PPP3CA: variants seen among roughly 807,000 people sequenced by gnomAD.
The protein encoded by PPP3CA is CAM-PRP catalytic subunit.
PPP3CA carries 14 observed loss-of-function variants against 66.5 expected under a neutral mutation model. The observed-to-expected ratio is 0.21, with a 90% CI of 0.14 to 0.33. The LOEUF is 0.33. PPP3CA is among the 10% of genes least tolerant of loss of function. The pLI, the probability that PPP3CA is intolerant of heterozygous loss-of-function variation, is 1.00. For synonymous variants in PPP3CA, 232 were observed against 226.2 expected (o/e 1.03, Z -0.23); for missense variants, 317 against 639.5 (o/e 0.50, Z 5.44).
chr4:101,266,029 C>G (rs528761315), intron 1 of PPP3CA, among the ~76,000 whole-genome samples: 84 of 152,254 alleles, frequency 5.5e-4, no homozygotes, highest in African/African-American at 2.0e-3. Flanking sequence ...ATAGAACTAC[C>G]TTTACATACA....
chr4:101,346,102 C>T (rs964485881), intron 1 of PPP3CA, among the ~76,000 whole-genome samples: 4 of 151,928 alleles, frequency 2.6e-5, no homozygotes, highest in Non-Finnish European at 5.9e-5. Flanking sequence ...GCGACCGCCC[C>T]CGCCCCCGCC....
chr4:101,038,246 C>A (rs1195153347), intron 11 of PPP3CA, among the ~76,000 whole-genome samples: 1 of 152,206 alleles, frequency 6.6e-6, no homozygotes, highest in African/African-American at 2.4e-5. Context: ...TCCAGCCTAT[C>A]CTTCACAGCA....
At chr4:101,084,592 G>A (rs1335724660) in intron 6 of PPP3CA, among the ~76,000 whole-genome samples, 1 of 150,728 alleles carries the variant, frequency 6.6e-6, no homozygotes, top group South Asian at 2.1e-4. Flanking sequence ...GCAGTGAGTC[G>A]AGAACGCACC....
chr4:101,109,656 C>CAA (rs33932766), intron 2 of PPP3CA, among the ~76,000 whole-genome samples: 68 of 103,926 alleles, frequency 6.5e-4, no homozygotes, highest in African/African-American at 2.0e-3. Context: ...ACCACTAAGG[C>CAA]AAAAAAAAAA....
intron 2 of PPP3CA, among the ~76,000 whole-genome samples, chr4:101,140,968 T>C (rs1722789901): frequency 6.6e-6 from 1 of 152,248 alleles, no homozygotes; most frequent in African/African-American, 2.4e-5. Flanking sequence ...TTTCATAGAA[T>C]ACTGAATCAT....
chr4:101,248,174 T>C (rs1282358028), intron 1 of PPP3CA, among the ~76,000 whole-genome samples: 1 of 152,200 alleles, frequency 6.6e-6, no homozygotes, highest in East Asian at 1.9e-4. Context: ...CAATACTTCG[T>C]TCCTTCCGTC....
chr4:101,124,676 AG>A (rs1722144313), intron 2 of PPP3CA, among the ~76,000 whole-genome samples: 1 of 77,114 alleles, frequency 1.3e-5, no homozygotes, highest in African/African-American at 6.4e-5. Flanking sequence ...AAAGAAAGAA[AG>A]AAAGAAAGAA....
At chr4:101,070,363 A>C (rs1425409700) in intron 8 of PPP3CA, among the ~76,000 whole-genome samples, 1 of 152,180 alleles carries the variant, frequency 6.6e-6, no homozygotes, top group Non-Finnish European at 1.5e-5. Flanking sequence ...CAGAAATCTG[A>C]GGGAAACATA....
chr4:101,260,686 T>C (rs1163014906), intron 1 of PPP3CA, among the ~76,000 whole-genome samples: 1 of 152,146 alleles, frequency 6.6e-6, no homozygotes, highest in Non-Finnish European at 1.5e-5. Context: ...AACTATCTTC[T>C]GCCCCTGAAA....
At chr4:101,249,596 A>G (rs1217827068) in intron 1 of PPP3CA, among the ~76,000 whole-genome samples, 1 of 152,114 alleles carries the variant, frequency 6.6e-6, no homozygotes, top group East Asian at 1.9e-4. Context: ...TAATATTTCA[A>G]TTTCCTGACA....
intron 1 of PPP3CA, among the ~76,000 whole-genome samples, chr4:101,281,883 T>C (rs1276132217): frequency 1.3e-5 from 2 of 152,208 alleles, no homozygotes; most frequent in Non-Finnish European, 2.9e-5. Flanking sequence ...GTCTTTTTCC[T>C]GTACTAGTTG....
chr4:101,288,779 A>C (rs957459139), intron 1 of PPP3CA, among the ~76,000 whole-genome samples: 3 of 152,290 alleles, frequency 2.0e-5, no homozygotes, highest in South Asian at 2.1e-4. Flanking sequence ...TTTTCCCCCC[A>C]AAAAATGTTT....
chr4:101,326,997 A>C (rs978038934), intron 1 of PPP3CA, among the ~76,000 whole-genome samples: 1 of 152,220 alleles, frequency 6.6e-6, no homozygotes, highest in African/African-American at 2.4e-5. Flanking sequence ...TAAAATATAC[A>C]TTATTGTGAT....
At chr4:101,204,407 C>T (rs538560713) in intron 1 of PPP3CA, among the ~76,000 whole-genome samples, 3 of 152,020 alleles carry the variant, frequency 2.0e-5, no homozygotes, top group Non-Finnish European at 4.4e-5. Flanking sequence ...GAGGCCCAAG[C>T]GGGCGGATCA....
intron 3 of PPP3CA, among the ~76,000 whole-genome samples, chr4:101,106,864 G>A (rs1730778507): frequency 6.6e-6 from 1 of 152,172 alleles, no homozygotes. Context: ...TGGAGCCTAG[G>A]CCCTGGCACC....
intron 1 of PPP3CA, among the ~76,000 whole-genome samples, chr4:101,305,997 A>G (rs747096798): frequency 1.3e-5 from 2 of 151,898 alleles, no homozygotes; most frequent in Non-Finnish European, 2.9e-5. Flanking sequence ...TTTTCTAATC[A>G]GACATCCACA....
intron 3 of PPP3CA, among the ~76,000 whole-genome samples, chr4:101,106,458 A>AGAAAGAAAGAAAGAAGGAAG: frequency 3.1e-5 from 1 of 32,716 alleles, no homozygotes; most frequent in Non-Finnish European, 5.8e-5. Context: ...AGAAAGAGAA[A>AGAAAGAAAGAAAGAAGGAAG]AGAAAAGAAA....
chr4:101,057,231 A>G (rs1193356821), intron 10 of PPP3CA, among the ~76,000 whole-genome samples: 1 of 151,762 alleles, frequency 6.6e-6, no homozygotes, highest in African/African-American at 2.4e-5. Flanking sequence ...TTTTTTTTGT[A>G]TCTTTAGTAG....
At chr4:101,155,711 T>A (rs56181389) in intron 2 of PPP3CA, among the ~76,000 whole-genome samples, 3 of 152,232 alleles carry the variant, frequency 2.0e-5, no homozygotes, top group African/African-American at 7.2e-5. Flanking sequence ...GGGAAGCACA[T>A]AACTACTTCA....
Sources: gnomAD v4.1 joint callset for allele counts (sites outside exome capture counted in the v4.1 genomes callset) on GRCh38, gnomAD v4.1.1 for gene constraint, MANE v1.5 for transcripts, NCBI Gene and HGNC (gene_info 2026-07-23, HGNC 2026-07-21) for gene names.